The following SP140L variants were observed in gnomAD, a reference collection of about 807,000 sequenced individuals.
SP140L encodes SP140 like nuclear body protein.
A neutral mutation model predicts 84.3 loss-of-function variants in SP140L; 64 were observed. The observed-to-expected ratio is 0.76, with a 90% CI of 0.62 to 0.94. The LOEUF is 0.94. Among genes scored for constraint, SP140L ranks in the 40% least tolerant of loss-of-function variants. The pLI is 0.00. For missense variants in SP140L, 628 were observed against 692.5 expected (o/e 0.91, Z 1.05); for synonymous variants, 242 against 236.9 (o/e 1.02, Z -0.20).
chr2:230,390,287 C>G (rs1348011166), intron 11 of SP140L, among the ~76,000 whole-genome samples: 2 of 152,184 alleles, frequency 1.3e-5, no homozygotes, highest in African/African-American at 4.8e-5. Flanking sequence ...TGGAAAATGT[C>G]AGGTATTTTA....
At chr2:230,397,286 T>A (rs1264188182) in intron 14 of SP140L, among the ~76,000 whole-genome samples, 2 of 152,124 alleles carry the variant, frequency 1.3e-5, no homozygotes, top group African/African-American at 4.8e-5. Flanking sequence ...GCCAAGCTAT[T>A]ATGTTTAAGG....
chr2:230,334,673 A>G (rs1262331569), intron 2 of SP140L, among the ~76,000 whole-genome samples: 3 of 152,162 alleles, frequency 2.0e-5, no homozygotes, highest in Non-Finnish European at 2.9e-5. Flanking sequence ...TAGCGAAACT[A>G]TAACAGCCTT....
chr2:230,330,757 G>A (rs539055376), intron 2 of SP140L, among the ~76,000 whole-genome samples: 1 of 152,162 alleles, frequency 6.6e-6, no homozygotes, highest in African/African-American at 2.4e-5. Context: ...ACTTTCTGAG[G>A]TTTCATTTAG....
chr2:230,351,975 T>C (rs1037843544), intron 2 of SP140L, among the ~76,000 whole-genome samples: 1 of 152,212 alleles, frequency 6.6e-6, no homozygotes, highest in African/African-American at 2.4e-5. Context: ...GGTTTCTGGT[T>C]GCAAGCACAC....
At chr2:230,399,802 A>G in intron 14 of SP140L, 1 of 196,246 alleles carries the variant, frequency 5.1e-6, no homozygotes, top group African/African-American at 2.3e-5. Flanking sequence ...TTACTTCAAA[A>G]CCTGGTTTTA....
rs543271641 is a variant in SP140L, at chr2:230,371,636, C to A, written c.622C>A (p.Pro208Thr). ...TGCAAACAACTCTACTTTGGGAAAA[C>A]CCAAGAGGAAAAGAAGTAAGAATAA... The part of the protein sequence containing the change: ...DIANNSTLGK[P>T]KRKRRKKKGH... Residue 208 changes from proline (P) to threonine (T), a missense_variant, in exon 7 of 19, where the codon CCC becomes ACC. Pro to Thr is a conservative substitution (Grantham distance 38). Coordinates refer to ENST00000415673, the MANE Select transcript of SP140L (RefSeq NM_138402.6). 1 of 1,605,738 alleles carries A rather than the reference C, an allele frequency of 6.2e-7. No individual in the cohort carries two copies. The highest frequency in any genetic ancestry group is 1.3e-5 in the African/African-American group (1 of 74,704).
chr2:230,364,886 A>G (rs1459606652), intron 5 of SP140L, among the ~76,000 whole-genome samples: 1 of 152,084 alleles, frequency 6.6e-6, no homozygotes, highest in Non-Finnish European at 1.5e-5. Context: ...TTCTGCATCT[A>G]TTGGGATAAT....
intron 7 of SP140L, among the ~76,000 whole-genome samples, chr2:230,373,374 A>T (rs926049406): frequency 3.3e-5 from 5 of 152,358 alleles, no homozygotes; most frequent in Admixed American, 3.3e-4. Flanking sequence ...GGACAGGAGG[A>T]GTCTCTTGTT....
At chr2:230,374,947 G>C (rs954361167) in intron 7 of SP140L, among the ~76,000 whole-genome samples, 1 of 152,020 alleles carries the variant, frequency 6.6e-6, no homozygotes, top group Non-Finnish European at 1.5e-5. Flanking sequence ...GAAACCAAAC[G>C]TGCAATATTT....
chr2:230,380,095 C>T (rs2061358130), intron 7 of SP140L, among the ~76,000 whole-genome samples: 1 of 152,198 alleles, frequency 6.6e-6, no homozygotes, highest in Admixed American at 6.5e-5. Context: ...AATTAACTCA[C>T]AGTACCATGT....
intron 2 of SP140L, among the ~76,000 whole-genome samples, chr2:230,333,963 G>A (rs2059796834): frequency 6.6e-6 from 1 of 152,110 alleles, no homozygotes; most frequent in Non-Finnish European, 1.5e-5. Context: ...CTCTCCTAAT[G>A]AGGATGATGA....
At chr2:230,368,771 A>T (rs192062498) in intron 5 of SP140L, among the ~76,000 whole-genome samples, 13 of 152,002 alleles carry the variant, frequency 8.6e-5, no homozygotes, top group African/African-American at 3.1e-4. Flanking sequence ...TATTCATTGT[A>T]TTTTTCAGCT....
At chr2:230,349,990 C>A (rs888209912) in intron 2 of SP140L, among the ~76,000 whole-genome samples, 5 of 152,076 alleles carry the variant, frequency 3.3e-5, no homozygotes, top group Admixed American at 1.3e-4. Flanking sequence ...GCCTGGGGGA[C>A]AGAGAGAGAC....
intron 2 of SP140L, among the ~76,000 whole-genome samples, chr2:230,343,508 T>C (rs566544744): frequency 6.8e-6 from 1 of 147,958 alleles, no homozygotes; most frequent in African/African-American, 2.5e-5. Context: ...GTGGATTACA[T>C]GTTTTTGCTA....
At chr2:230,361,859 G>T (rs753818644) in intron 5 of SP140L, among the ~76,000 whole-genome samples, 162 bp downstream of exon 5, 2 of 152,194 alleles carry the variant, frequency 1.3e-5, no homozygotes, top group Admixed American at 6.5e-5. Flanking sequence ...CTAATCAGAT[G>T]CAGGGTCCTG....
At chr2:230,355,685 T>C (rs2060521618) in intron 2 of SP140L, among the ~76,000 whole-genome samples, 1 of 152,182 alleles carries the variant, frequency 6.6e-6, no homozygotes, top group Non-Finnish European at 1.5e-5. Context: ...AACAGATCAA[T>C]GGTATGGCAT....
chr2:230,335,389 A>G (rs574646856), intron 2 of SP140L, among the ~76,000 whole-genome samples: 2 of 152,312 alleles, frequency 1.3e-5, no homozygotes, highest in African/African-American at 2.4e-5. Context: ...TATAATGTAC[A>G]GTGTTTTCAC....
chr2:230,346,158 C>T (rs2060203201), intron 2 of SP140L, among the ~76,000 whole-genome samples: 1 of 152,078 alleles, frequency 6.6e-6, no homozygotes, highest in Admixed American at 6.5e-5. Context: ...GTGTAACACT[C>T]TTGGTTGGCA....
intron 4 of SP140L, among the ~76,000 whole-genome samples, chr2:230,360,859 GT>G (rs2060692872): frequency 2.0e-5 from 3 of 152,166 alleles, no homozygotes; most frequent in African/African-American, 7.2e-5. Context: ...TCTGGGAACT[GT>G]TCATCCTCCC....
Sources: gnomAD v4.1 joint callset for allele counts (sites outside exome capture counted in the v4.1 genomes callset) on GRCh38, gnomAD v4.1.1 for gene constraint, MANE v1.5 for transcripts, NCBI Gene and HGNC (gene_info 2026-07-23, HGNC 2026-07-21) for gene names.